The following FAT1 variants were observed in gnomAD, a reference collection of about 807,000 sequenced individuals.
The protein encoded by FAT1 is protocadherin Fat 1.
FAT1 carries 171 observed loss-of-function variants against 329.8 expected under a neutral mutation model. The ratio of observed to expected loss-of-function variants is 0.52; its 90% CI spans 0.46 to 0.59. The LOEUF (loss-of-function observed/expected upper bound fraction) is 0.59. FAT1 is among the 20% of genes least tolerant of loss of function. The pLI, the probability that FAT1 is intolerant of heterozygous loss-of-function variation, is 0.00. For synonymous variants in FAT1, 2,233 were observed against 2,228.6 expected (o/e 1.00, Z -0.06); for missense variants, 5,672 against 5,774.4 (o/e 0.98, Z 0.57).
At position 186,708,897 on chromosome 4, in the gene FAT1, C is replaced by G. The variant is rs1744795672; in HGVS notation, c.931G>C (p.Gly311Arg). The G allele has an allele frequency of 6.2e-7, 1 of 1,613,996 alleles. No homozygotes were observed. Among genetic ancestry groups the G allele is most frequent in the African/African-American group, 1.3e-5 (1 of 75,044 alleles). The change falls in exon 2 of 27, where the codon GGG becomes CGG. Residue 311 changes from glycine to arginine, a missense_variant. This residue lies in a region of FAT1 where 3,966 missense variants were observed against 3,915.2 expected (regional missense o/e 1.01). Coordinates refer to ENST00000441802, the MANE Select transcript of FAT1 (RefSeq NM_005245.4). ...GCTTTGACTTTATACTCCTTACTCC[C>G]TGGAAAGGACCTCACTGTTCTAAAC... ...QQFRTVRSFP[G>R]SKEYKVKAIG... is the part of the protein sequence containing the mutation.
At chr4:186,665,077 T>G (rs1325773469) in intron 2 of FAT1, among the ~76,000 whole-genome samples, 1 of 152,294 alleles carries the variant, frequency 6.6e-6, no homozygotes, top group South Asian at 2.1e-4. Context: ...AATAGAAAAC[T>G]TAGCTAAATA....
chr4:186,638,634 C>CAG (rs1560957489), intron 4 of FAT1, among the ~76,000 whole-genome samples: 1 of 145,550 alleles, frequency 6.9e-6, no homozygotes, highest in African/African-American at 2.4e-5. Flanking sequence ...CACACACACA[C>CAG]ACACACACAC....
intron 2 of FAT1, among the ~76,000 whole-genome samples, chr4:186,701,195 T>C (rs1744293956): frequency 6.6e-6 from 1 of 152,210 alleles, no homozygotes; most frequent in East Asian, 1.9e-4. Context: ...GGATTTCGAC[T>C]AGATCCTATT....
chr4:186,673,110 C>T (rs1379705929), intron 2 of FAT1, among the ~76,000 whole-genome samples: 3 of 152,118 alleles, frequency 2.0e-5, no homozygotes, highest in African/African-American at 7.2e-5. Flanking sequence ...GATGCTACTG[C>T]TGTTCAGAAA....
intron 26 of FAT1, chr4:186,592,663 A>C (rs2126370706): frequency 2.2e-6 from 1 of 456,104 alleles, no homozygotes; most frequent in South Asian, 1.6e-5. Flanking sequence ...TGCAAGACAC[A>C]GACACAAGCA....
upstream of FAT1, among the ~76,000 whole-genome samples, chr4:186,724,374 A>G (rs1048887516): frequency 2.0e-5 from 3 of 151,754 alleles, no homozygotes; most frequent in Non-Finnish European, 2.9e-5. The surrounding 1 kb of genome is among the most constrained non-coding windows in gnomAD (Gnocchi z 5.3). Context: ...GTCGGAATCT[A>G]CTTCCTCCTT....
chr4:186,647,744 G>C (rs1489839093), intron 3 of FAT1, among the ~76,000 whole-genome samples: 1 of 152,108 alleles, frequency 6.6e-6, no homozygotes, highest in Non-Finnish European at 1.5e-5. Flanking sequence ...TTGATACTAA[G>C]TTTAAGAACT....
intron 6 of FAT1, among the ~76,000 whole-genome samples, chr4:186,634,497 C>G (rs143851663): frequency 5.9e-5 from 9 of 151,720 alleles, no homozygotes; most frequent in African/African-American, 2.2e-4. Context: ...TAAATCTAAC[C>G]AAGAAACAAA....
In FAT1 at chr4:186,620,702, G is replaced by A. The variant is rs2126518230; in HGVS notation, c.5884C>T (p.Leu1962Phe). Residue 1962 changes from leucine (L) to phenylalanine (F), a missense_variant, in exon 10 of 27, where the codon CTT becomes TTT. Physicochemically the swap from Leu to Phe is conservative, Grantham distance 22. Coordinates refer to ENST00000441802, the MANE Select transcript of FAT1 (RefSeq NM_005245.4). ...TTCACATTAATTTTGACAGAGGTAA[G>A]GCCGGCAAATCTGCCATCGGAAGCT... ...VRASDGRFAG[L>F]TSVKINVKES... 6.2e-7 allele frequency: 1 copy of A among 1,613,974 alleles called. No homozygotes were observed. Among genetic ancestry groups the A allele is most frequent in the East Asian group, 2.2e-5 (1 of 44,878 alleles).
At chr4:186,678,911 A>T (rs2126641905) in intron 2 of FAT1, among the ~76,000 whole-genome samples, 1 of 152,308 alleles carries the variant, frequency 6.6e-6, no homozygotes, top group East Asian at 1.9e-4. Context: ...TTACTGCAGC[A>T]CTATTTACAA....
rs1285817342 is a variant in FAT1, at chr4:186,617,773, G to T, written c.8813C>A (p.Ala2938Asp). 1 of 1,613,166 alleles carries T rather than the reference G, an allele frequency of 6.2e-7. No homozygotes were observed. Among genetic ancestry groups the T allele is most frequent in the Non-Finnish European group, 8.5e-7 (1 of 1,179,496 alleles). ...SEDDPQGGVI[A>D]ILSTTDADSE... ...ATCAGCATCCGTGGTACTTAAGATGGCAATCACCCCACCTTGGGGGTCATC... is the reference window on the plus strand; with the variant it reads ...ATCAGCATCCGTGGTACTTAAGATGTCAATCACCCCACCTTGGGGGTCATC... The change falls in exon 10 of 27, where the codon GCC (alanine) becomes GAC (aspartate). Residue 2938 changes from alanine to aspartate, a missense_variant. By Grantham distance (126) the Ala-to-Asp change is moderately radical. This residue lies in a region of FAT1 where 3,966 missense variants were observed against 3,915.2 expected (regional missense o/e 1.01). Coordinates refer to ENST00000441802, the MANE Select transcript of FAT1 (RefSeq NM_005245.4).
At chr4:186,676,770 T>C (rs1370295556) in intron 2 of FAT1, among the ~76,000 whole-genome samples, 2 of 152,358 alleles carry the variant, frequency 1.3e-5, no homozygotes, top group South Asian at 2.1e-4. Flanking sequence ...TCTGGAGTCC[T>C]AGAATGCACA....
chr4:186,599,971 G>A lies in FAT1; in HGVS notation c.12030C>T (p.Phe4010=), dbSNP rs895063427. 4 of 1,614,012 alleles carry A rather than the reference G, an allele frequency of 2.5e-6. No individual in the cohort carries two copies. The highest frequency in any genetic ancestry group is 3.4e-6 in the Non-Finnish European group (4 of 1,179,902). ...TGGCGCAGTCTTCCGTGGCCGTCAG[G>A]AAGCAGCCTGGAGATACATCCACCG... The part of the protein sequence containing the change: ...EESVDVSPGC[F]LTATEDCASN... Residue 4010 remains phenylalanine, a synonymous_variant, in exon 22 of 27, where the codon TTC becomes TTT. Transcript: ENST00000441802.
intron 14 of FAT1, among the ~76,000 whole-genome samples, chr4:186,610,406 C>G (rs1358818913): frequency 6.6e-6 from 1 of 151,586 alleles, no homozygotes; most frequent in African/African-American, 2.4e-5. Flanking sequence ...TTTGTCTCAT[C>G]TTTTTAAAAT....
At position 186,621,788 on chromosome 4, in the gene FAT1, GA is replaced by G. The variant is rs913562613; in HGVS notation, c.4811-14del. On this transcript the variant is annotated splice_polypyrimidine_tract_variant and intron_variant, in intron 9 of 26. Transcript: ENST00000441802. ...TTTCCAATATTTCCTGGAAGGAGAG[GA>G]AAAAATACATGTTACAGAAAAACAC... 4 of 1,502,202 alleles carry G rather than the reference GA, an allele frequency of 2.7e-6. No homozygotes were observed. Among genetic ancestry groups the G allele is most frequent in the Non-Finnish European group, 3.6e-6 (4 of 1,122,752 alleles). The allele number at this position is 1,502,202 out of a possible 1,614,324, so 93.1% of individuals were successfully genotyped here.
intron 21 of FAT1, among the ~76,000 whole-genome samples, chr4:186,600,696 A>T (rs1019942053): frequency 6.6e-6 from 1 of 152,236 alleles, no homozygotes; most frequent in Non-Finnish European, 1.5e-5. Flanking sequence ...CACATGTAGG[A>T]TGTCTCTATA....
In FAT1 at chr4:186,620,132, C is replaced by A. The variant is rs2126512699; in HGVS notation, c.6454G>T (p.Val2152Phe). 1.2e-6 allele frequency: 2 copies of A among 1,613,978 alleles called. No individual in the cohort carries two copies. The highest frequency in any genetic ancestry group is 1.7e-6 in the Non-Finnish European group (2 of 1,179,870). ...ELDTLNKEYL[V>F]TVVAKDGGNP... ...CCTCCATCTTTTGCAACCACTGTAA[C>A]AAGATATTCTTTATTTAAGGTGTCA... Residue 2152 changes from valine (V) to phenylalanine (F), a missense_variant, in exon 10 of 27, where the codon GTT becomes TTT. By Grantham distance (50) the Val-to-Phe change is conservative (BLOSUM62 -1). Coordinates refer to ENST00000441802, the MANE Select transcript of FAT1 (RefSeq NM_005245.4).
chr4:186,647,173 C>T (rs753690343), intron 3 of FAT1, among the ~76,000 whole-genome samples: 13 of 152,142 alleles, frequency 8.5e-5, no homozygotes, highest in Non-Finnish European at 1.6e-4. Flanking sequence ...TTTAAGGAAA[C>T]AACTACCACA....
chr4:186,653,363 G>A (rs558008145), intron 3 of FAT1, among the ~76,000 whole-genome samples: 1 of 152,286 alleles, frequency 6.6e-6, no homozygotes, highest in South Asian at 2.1e-4. Context: ...CCTTGATACT[G>A]ATACTCTAAT....
Sources: gnomAD v4.1 joint callset for allele counts (sites outside exome capture counted in the v4.1 genomes callset) on GRCh38, gnomAD v4.1.1 for gene constraint, gnomAD v4.1.1 regional missense constraint, Gnocchi (gnomAD v3.1) non-coding constraint, MANE v1.5 for transcripts, NCBI Gene and HGNC (gene_info 2026-07-23, HGNC 2026-07-21) for gene names.